The following SETD1B variants were observed in gnomAD, a reference collection of about 807,000 sequenced individuals.
The protein encoded by SETD1B is SET domain containing 1B, histone lysine methyltransferase.
A neutral mutation model predicts 148.0 loss-of-function variants in SETD1B; 7 were observed. That is an observed-to-expected ratio of 0.05 (90% confidence interval 0.03 to 0.09). SETD1B has a LOEUF of 0.09. Among genes scored for constraint, SETD1B ranks in the 10% least tolerant of loss-of-function variants. SETD1B has a pLI of 1.00. For synonymous variants in SETD1B, 1,361 were observed against 1,186.5 expected, an observed-to-expected ratio of 1.15 and a Z score of -3.02; for missense variants, 2,155 against 2,729.9, an observed-to-expected ratio of 0.79 and a Z score of 4.69.
rs1271720202 is a variant in SETD1B at position 121,817,732 on chromosome 12, G to A, written c.3312+28G>A. On this transcript the variant is annotated intron_variant, in intron 9 of 16. Transcript: ENST00000604567. The surrounding 1 kb of genome is among the most constrained non-coding windows in gnomAD (Gnocchi z 8.1). ...GCCTAGCAGGCCAGGAAGCCTCAGGGGGCCGGGCCAGGCGACGAGGGCCAG... is the reference window on the plus strand; with the variant it reads ...GCCTAGCAGGCCAGGAAGCCTCAGGAGGCCGGGCCAGGCGACGAGGGCCAG... 2 of 1,538,368 alleles carry A rather than the reference G, an allele frequency of 1.3e-6. No individual in the cohort carries two copies. Among genetic ancestry groups the A allele is most frequent in the African/African-American group, 1.4e-5 (1 of 72,752 alleles).
Position 121,805,273 on chromosome 12 carries a change from T to C in SETD1B, c.273+57T>C. Reference sequence around the variant, plus strand: ...TCCCCCACCTCCCCGAGTTCGAAAATAACGCCAGTCCTGACCGAGCCCAGC... The same window carrying C: ...TCCCCCACCTCCCCGAGTTCGAAAACAACGCCAGTCCTGACCGAGCCCAGC... On this transcript the variant is annotated intron_variant, in intron 3 of 16. Transcript: ENST00000604567. The surrounding 1 kb of genome is among the most constrained non-coding windows in gnomAD (Gnocchi z 4.2). 1 of 1,152,130 alleles carries C rather than the reference T, an allele frequency of 8.7e-7. No individual in the cohort carries two copies. Among genetic ancestry groups the C allele is most frequent in the East Asian group, 4.9e-5 (1 of 20,288 alleles). 71.4% of individuals were successfully genotyped at this position (1,152,130 alleles called of 1,614,324 possible).
Position 121,805,728 on chromosome 12 carries a change from T to C in SETD1B, c.274-107T>C. 3.5e-6 allele frequency: 4 copies of C among 1,149,240 alleles called. No homozygotes were observed. The highest frequency in any genetic ancestry group is 4.8e-6 in the Non-Finnish European group (4 of 837,368). 71.2% of individuals were successfully genotyped at this position (1,149,240 alleles called of 1,614,324 possible). On this transcript the variant is annotated intron_variant, in intron 3 of 16. Coordinates refer to ENST00000604567, the MANE Select transcript of SETD1B (RefSeq NM_001353345.2). The surrounding 1 kb of genome is among the most constrained non-coding windows in gnomAD (Gnocchi z 4.2). ...TTTAATTTTTAGTTTTTTTACCCTT[T>C]ATTGTTTTCAACGGGTGGGCGAGTT...
At chr12:121,825,714 A>G (rs937585313) in intron 13 of SETD1B, among the ~76,000 whole-genome samples, 16 of 151,940 alleles carry the variant, frequency 1.1e-4, no homozygotes, top group African/African-American at 2.9e-4. Flanking sequence ...GCACAGTCTC[A>G]GCTCACTGCA....
chr12:121,807,064 G>A (rs753581088), intron 4 of SETD1B, among the ~76,000 whole-genome samples: 2 of 152,264 alleles, frequency 1.3e-5, no homozygotes, highest in African/African-American at 4.8e-5. Flanking sequence ...TGAGCATGGC[G>A]TTCAGGGACA....
upstream of SETD1B, chr12:121,800,308 G>A (rs1175348658): frequency 6.6e-6 from 1 of 152,230 alleles, no homozygotes; most frequent in Non-Finnish European, 1.5e-5. Context: ...GCTGCCCAAC[G>A]GGGCGTCTGC....
chr12:121,818,007 CT>C, intron 10 of SETD1B, 103 bp downstream of exon 10: 1 of 1,211,590 alleles, frequency 8.3e-7, no homozygotes, highest in East Asian at 2.6e-5. Flanking sequence ...AAATGTTGTG[CT>C]TTTGAGACGT....
intron 16 of SETD1B, 111 bp downstream of exon 16, chr12:121,828,181 A>G (rs1876932347): frequency 1.4e-6 from 2 of 1,421,408 alleles, no homozygotes; most frequent in African/African-American, 2.8e-5. Context: ...CCTCCTTCCC[A>G]AGCTCAGGTT....
Position 121,830,498 on chromosome 12 carries a change from C to A in SETD1B, c.*259C>A. On this transcript the variant is annotated 3_prime_UTR_variant, in exon 17 of 17. Coordinates refer to ENST00000604567, the MANE Select transcript of SETD1B (RefSeq NM_001353345.2). The surrounding 1 kb of genome is among the most constrained non-coding windows in gnomAD (Gnocchi z 5.7). The stretch of plus-strand genomic sequence containing the variant: ...CGCCCCTTTCAGGATTTCTGTTTAA[C>A]TCCAGCATCAGCTTCTCTCTCTCCG... The A allele has an allele frequency of 2.5e-6, 1 of 396,464 alleles. No individual in the cohort carries two copies. The highest frequency in any genetic ancestry group is 4.6e-6 in the Non-Finnish European group (1 of 219,348). 24.6% of individuals were successfully genotyped at this position (396,464 alleles called of 1,614,324 possible).
intron 13 of SETD1B, among the ~76,000 whole-genome samples, 192 bp from the exon 14 acceptor site, chr12:121,827,324 TAGA>T (rs1470038957): frequency 6.6e-6 from 1 of 151,946 alleles, no homozygotes; most frequent in Non-Finnish European, 1.5e-5. Context: ...GTTTTGAAGA[TAGA>T]AGGAGCTTGA....
At chr12:121,822,449 A>G (rs943454362) in intron 11 of SETD1B, 41 bp from the exon 12 acceptor site, 1 of 1,491,944 alleles carries the variant, frequency 6.7e-7, no homozygotes, top group African/African-American at 1.4e-5. Flanking sequence ...AGACGTTTGG[A>G]TTGAATAGTA....
chr12:121,824,040 C>T (rs771464551), intron 12 of SETD1B, among the ~76,000 whole-genome samples: 16 of 152,222 alleles, frequency 1.1e-4, no homozygotes, highest in Non-Finnish European at 2.1e-4. Context: ...ACAGCACACA[C>T]GGGCGCAGGG....
chr12:121,806,026 G>A lies in SETD1B; in HGVS notation c.465G>A (p.Arg155=). The part of the protein sequence containing the change: ...GIAKVVFATV[R]GAKDAVQHLH... Reference sequence around the variant, plus strand: ...CCAAGGTGGTCTTTGCCACGGTCCGGGGAGCCAAGGATGCCGTTCAGCACT... The same window carrying A: ...CCAAGGTGGTCTTTGCCACGGTCCGAGGAGCCAAGGATGCCGTTCAGCACT... The change falls in exon 4 of 17, where the codon CGG becomes CGA. Residue 155 remains arginine, a synonymous_variant. Coordinates refer to ENST00000604567, the MANE Select transcript of SETD1B (RefSeq NM_001353345.2). 6.4e-7 allele frequency: 1 copy of A among 1,551,676 alleles called. No individual in the cohort carries two copies. The highest frequency in any genetic ancestry group is 8.7e-7 in the Non-Finnish European group (1 of 1,146,990).
Position 121,814,295 on chromosome 12 carries a change from CCA to C in SETD1B, c.2082_2083del (p.Pro695ThrfsTer146). ...TGGCTTCCCCCCGCTGCCCCCCCCA[CCA>C]CCACCACCCCCACCGCAGCCTGGCT... ...PPGFPPLPPP[P>X]PPPPPQPGFP... On this transcript the variant is annotated frameshift_variant, in exon 7 of 17. Transcript: ENST00000604567. LOFTEE classifies it high-confidence loss of function. The C allele has an allele frequency of 8.3e-7, 1 of 1,209,864 alleles. No individual in the cohort carries two copies. The highest frequency in any genetic ancestry group is 2.3e-5 in the Admixed American group (1 of 42,852). The allele number at this position is 1,209,864 out of a possible 1,614,324, so 74.9% of individuals were successfully genotyped here.
At chr12:121,826,810 G>A (rs1397396072) in intron 13 of SETD1B, among the ~76,000 whole-genome samples, 14 of 152,142 alleles carry the variant, frequency 9.2e-5, no homozygotes, top group Non-Finnish European at 1.5e-5. Flanking sequence ...CCTGGGTACA[G>A]GAGACAGGGA....
upstream of SETD1B, chr12:121,802,526 T>G (rs1166976737): frequency 6.6e-6 from 1 of 152,116 alleles, no homozygotes; most frequent in South Asian, 2.1e-4. Flanking sequence ...AAACTAGATA[T>G]ATTTAAAAAT....
In SETD1B at chr12:121,804,872, T is replaced by A; in HGVS notation, c.135T>A (p.His45Gln). Residue 45 changes from histidine to glutamine, a missense_variant, in exon 2 of 17, where the codon CAT becomes CAA. Around this residue, in one of 11 missense-constraint regions of SETD1B, gnomAD observed 124 missense variants for 282.9 expected, o/e 0.44. Transcript: ENST00000604567. This position sits in a 1 kb window ranked among gnomAD's most constrained non-coding sequence, Gnocchi z 4.6. ...MIDPALKKGH[H>Q]KLYRYDGQHF... is the part of the protein sequence containing the mutation. ...ACCCGGCTCTGAAAAAGGGGCATCA[T>A]AAACTGTACCGCTACGATGGGCAGC... 6.5e-7 allele frequency: 1 copy of A among 1,548,040 alleles called. No individual in the cohort carries two copies. Among genetic ancestry groups the A allele is most frequent in the Non-Finnish European group, 8.7e-7 (1 of 1,145,780 alleles).
rs1219068913 is a variant in SETD1B at position 121,823,449 on chromosome 12, G to T, written c.4870G>T (p.Gly1624Trp). The T allele has an allele frequency of 6.5e-7, 1 of 1,549,486 alleles. No homozygotes were observed. Among genetic ancestry groups the T allele is most frequent in the South Asian group, 1.2e-5 (1 of 84,036 alleles). Residue 1624 changes from glycine to tryptophan, a missense_variant, in exon 12 of 17, where the codon GGG becomes TGG. By Grantham distance (184) the Gly-to-Trp change is radical. Transcript: ENST00000604567. ...CGAGGCCATTCCTCCGGGCCCCCGT[G>T]GGCGCGATGAGGTCACTGAGGAATA... The part of the protein sequence containing the change: ...PSEAIPPGPR[G>W]RDEVTEEYME...
chr12:121,814,979 G>T, intron 7 of SETD1B, 49 bp downstream of exon 7: 1 of 1,471,208 alleles, frequency 6.8e-7, no homozygotes, highest in Non-Finnish European at 9.1e-7. Flanking sequence ...GAGGGGGGCA[G>T]GTCCCCAGCC....
intron 13 of SETD1B, among the ~76,000 whole-genome samples, chr12:121,827,001 G>A (rs1876873474): frequency 1.3e-5 from 2 of 152,056 alleles, no homozygotes; most frequent in South Asian, 4.2e-4. Context: ...AGCTTAGGAT[G>A]GGGATCTCCG....
Sources: allele counts gnomAD v4.1 joint callset (sites outside exome capture counted in the v4.1 genomes callset), GRCh38; gene constraint gnomAD v4.1.1; regional missense constraint gnomAD v4.1.1; non-coding constraint Gnocchi (gnomAD v3.1); transcripts MANE v1.5; gene names NCBI Gene and HGNC (gene_info 2026-07-23, HGNC 2026-07-21).